The following DLG2 variants were observed in gnomAD, a reference collection of about 807,000 sequenced individuals.
DLG2 encodes the protein discs large MAGUK scaffold protein 2.
DLG2 carries 45 observed loss-of-function variants against 132.5 expected under a neutral mutation model. The observed-to-expected ratio is 0.34, with a 90% CI of 0.27 to 0.44. DLG2 has a LOEUF of 0.44. DLG2 is among the 20% of genes least tolerant of loss of function. DLG2 has a pLI of 1.00. For synonymous variants in DLG2, 424 were observed against 419.6 expected, an observed-to-expected ratio of 1.01 and a Z score of -0.13; for missense variants, 1,045 against 1,196.9, an observed-to-expected ratio of 0.87 and a Z score of 1.87.
intron 14 of DLG2, among the ~76,000 whole-genome samples, chr11:83,947,963 C>A (rs145520187): frequency 1.3e-4 from 20 of 152,226 alleles, no homozygotes; most frequent in Admixed American, 3.9e-4. Context: ...TGTATAAAGT[C>A]ATAGGAATTA....
chr11:84,881,512 G>C (rs1001914184), intron 6 of DLG2, among the ~76,000 whole-genome samples: 1 of 152,038 alleles, frequency 6.6e-6, no homozygotes, highest in Non-Finnish European at 1.5e-5. Context: ...CAATTCAAAG[G>C]GTCCAGTATT....
intron 6 of DLG2, among the ~76,000 whole-genome samples, chr11:84,936,384 G>A (rs1442555055): frequency 6.6e-6 from 1 of 152,014 alleles, no homozygotes; most frequent in Non-Finnish European, 1.5e-5. Flanking sequence ...TGAAACAAAA[G>A]CCTTAAACAC....
chr11:83,950,924 CT>C (rs1270516468), intron 14 of DLG2, among the ~76,000 whole-genome samples: 5 of 152,240 alleles, frequency 3.3e-5, no homozygotes, highest in Admixed American at 6.5e-5. Context: ...CTGCCCCCCC[CT>C]CCACACTTCC....
intron 6 of DLG2, among the ~76,000 whole-genome samples, chr11:84,751,446 G>A (rs2066098650): frequency 6.6e-6 from 1 of 152,048 alleles, no homozygotes; most frequent in African/African-American, 2.4e-5. Flanking sequence ...GATAATTTAG[G>A]AGTGCAAAGG....
At chr11:84,380,886 C>A (rs1426266995) in intron 7 of DLG2, among the ~76,000 whole-genome samples, 6 of 151,932 alleles carry the variant, frequency 3.9e-5, no homozygotes, top group African/African-American at 1.4e-4. Context: ...CATTTCATAT[C>A]ATATGCTACA....
chr11:84,448,712 A>T (rs1354026144), intron 7 of DLG2, among the ~76,000 whole-genome samples: 1 of 152,068 alleles, frequency 6.6e-6, no homozygotes, highest in Non-Finnish European at 1.5e-5. Flanking sequence ...CTTTGTACAT[A>T]ACTCAGATTT....
chr11:84,297,953 TA>T (rs1168705141), intron 7 of DLG2, among the ~76,000 whole-genome samples: 2 of 152,166 alleles, frequency 1.3e-5, no homozygotes, highest in Non-Finnish European at 2.9e-5. Context: ...ATCTCTCAAG[TA>T]GGAACTCAAT....
intron 3 of DLG2, among the ~76,000 whole-genome samples, chr11:85,477,891 C>A (rs1453787081): frequency 1.3e-5 from 2 of 152,106 alleles, no homozygotes; most frequent in African/African-American, 4.8e-5. Context: ...AAAAATATTT[C>A]TTATTCATTT....
intron 3 of DLG2, among the ~76,000 whole-genome samples, chr11:85,296,846 T>C (rs926427642): frequency 1.3e-5 from 2 of 150,374 alleles, no homozygotes; most frequent in Non-Finnish European, 3.0e-5. Flanking sequence ...TCCTATAAAA[T>C]GTGTAATAAA....
intron 6 of DLG2, among the ~76,000 whole-genome samples, chr11:84,786,447 A>T (rs924251067): frequency 1.3e-5 from 2 of 152,208 alleles, no homozygotes; most frequent in African/African-American, 4.8e-5. Flanking sequence ...AAGCTAGGAC[A>T]TTCCAGAAGT....
chr11:84,571,298 ATC>A (rs2099483645), intron 6 of DLG2, among the ~76,000 whole-genome samples: 1 of 139,522 alleles, frequency 7.2e-6, no homozygotes, highest in Non-Finnish European at 1.6e-5. Flanking sequence ...CTTCATTTCC[ATC>A]TCTTTCTCCA....
At position 85,468,405 on chromosome 11, in the gene DLG2, G is replaced by C. The variant is rs1301959353; in HGVS notation, c.40+130252C>G. ...TCTAGTTCTTTTAATTGTGATGTTC[G>C]GGTGTCAATTTTAGATCTTTTCTGC... On this transcript the variant is annotated intron_variant, in intron 3 of 27. Transcript: ENST00000376104. 7.2e-5 allele frequency among the ~76,000 whole-genome samples: 11 copies of C among 152,106 alleles called. No homozygotes were observed. The East Asian group carries it at 2.1e-3, about 29-fold the overall frequency.
At chr11:84,701,193 T>TC (rs1323122757) in intron 6 of DLG2, among the ~76,000 whole-genome samples, 1 of 150,148 alleles carries the variant, frequency 6.7e-6, no homozygotes, top group African/African-American at 2.5e-5. Flanking sequence ...TCCAATACAT[T>TC]TTTTTTTTCT....
chr11:85,093,189 G>A (rs1175479422), intron 6 of DLG2, among the ~76,000 whole-genome samples: 1 of 152,206 alleles, frequency 6.6e-6, no homozygotes, highest in Non-Finnish European at 1.5e-5. Flanking sequence ...TCAGAAGGTT[G>A]CCGGGCTTGT....
At chr11:84,258,357 A>G (rs2097506736) in intron 7 of DLG2, among the ~76,000 whole-genome samples, 1 of 152,232 alleles carries the variant, frequency 6.6e-6, no homozygotes. Context: ...ACACTCTTAC[A>G]TTCTATAAAT....
chr11:84,531,912 T>C (rs892594375), intron 7 of DLG2, among the ~76,000 whole-genome samples: 11 of 151,342 alleles, frequency 7.3e-5, no homozygotes, highest in African/African-American at 2.7e-4. Context: ...GAAAAATTCC[T>C]TTGTTTATAT....
chr11:84,355,867 T>C (rs1409681544), intron 7 of DLG2, among the ~76,000 whole-genome samples: 2 of 152,142 alleles, frequency 1.3e-5, no homozygotes, highest in African/African-American at 2.4e-5. Context: ...GCATCTTGCA[T>C]AGTGTCCAAA....
intron 7 of DLG2, among the ~76,000 whole-genome samples, chr11:84,381,712 C>A (rs2098749624): frequency 6.6e-6 from 1 of 152,160 alleles, no homozygotes; most frequent in Admixed American, 6.6e-5. Flanking sequence ...ACCAGTGTAT[C>A]ATTTTCTGTG....
intron 6 of DLG2, among the ~76,000 whole-genome samples, chr11:84,790,756 T>C (rs2073715701): frequency 6.6e-6 from 1 of 152,208 alleles, no homozygotes; most frequent in South Asian, 2.1e-4. Context: ...TTGATTTGAT[T>C]TTTGTATACG....
Sources: allele counts gnomAD v4.1 joint callset (sites outside exome capture counted in the v4.1 genomes callset), GRCh38; gene constraint gnomAD v4.1.1; transcripts MANE v1.5; gene names NCBI Gene and HGNC (gene_info 2026-07-23, HGNC 2026-07-21).